The following TCF4 variants were observed in gnomAD, a reference collection of about 807,000 sequenced individuals.
TCF4 encodes the protein transcription factor 4, also known as SL3-3 enhancer factor 2.
A neutral mutation model predicts 82.1 loss-of-function variants in TCF4; 3 were observed. The ratio of observed to expected loss-of-function variants is 0.04; its 90% CI spans 0.02 to 0.09. The LOEUF (loss-of-function observed/expected upper bound fraction) is 0.09, where lower values mean the gene tolerates loss of function less well. TCF4 is among the 10% of genes least tolerant of loss of function. The probability of loss-of-function intolerance (pLI) is 1.00; values close to 1 mark genes in which losing one functional copy is unlikely to be tolerated. For synonymous variants in TCF4, 276 were observed against 309.6 expected, an observed-to-expected ratio of 0.89 and a Z score of 1.14; for missense variants, 518 against 852.7, an observed-to-expected ratio of 0.61 and a Z score of 4.89.
intron 2 of TCF4, among the ~76,000 whole-genome samples, chr18:55,601,647 G>A (rs1005630201): frequency 3.3e-5 from 5 of 152,142 alleles, no homozygotes; most frequent in South Asian, 2.1e-4. Flanking sequence ...AGCTGGGTGC[G>A]GTGGTGGGCA....
upstream of TCF4, chr18:55,589,628 AT>A (rs977062462): frequency 2.0e-5 from 21 of 1,043,204 alleles, no homozygotes; most frequent in African/African-American, 3.3e-5. Flanking sequence ...CTTGTTGGTG[AT>A]TTTTTTTCTT....
intron 6 of TCF4, among the ~76,000 whole-genome samples, chr18:55,391,169 A>T (rs554209403): frequency 4.0e-4 from 61 of 152,348 alleles, no homozygotes; most frequent in Middle Eastern, 3.4e-3. Flanking sequence ...TACACATGAC[A>T]GTTCTGAGCT....
At position 55,547,692 on chromosome 18, in the gene TCF4, C is replaced by CA. The variant is rs572274606; in HGVS notation, c.145+37587_145+37588insT. 2.4e-4 allele frequency among the ~76,000 whole-genome samples: 36 copies of CA among 152,116 alleles called. 1 individual carries two copies. The South Asian group carries it at 4.4e-3, about 18-fold the overall frequency. ...CATCTTTTTGATGAATTGTTTGAAA[C>CA]GTTGTAAGAAAACTTTTGCCCTGGG... On this transcript the variant is annotated intron_variant, in intron 3 of 19. Transcript: ENST00000354452.
intron 8 of TCF4, among the ~76,000 whole-genome samples, chr18:55,319,125 G>A (rs2074874616): frequency 6.6e-6 from 1 of 152,102 alleles, no homozygotes; most frequent in Non-Finnish European, 1.5e-5. Context: ...AACAATTCAG[G>A]TTCAAACACA....
Position 55,223,876 on chromosome 18 carries a change from G to A in TCF4, c.*4159C>T. ...ATACAGTTTCATCTTGGTAACACATGGTAAAATAACATCTTTTAAATAGTA... is the reference window on the plus strand; with the variant it reads ...ATACAGTTTCATCTTGGTAACACATAGTAAAATAACATCTTTTAAATAGTA... On this transcript the variant is annotated 3_prime_UTR_variant, in exon 20 of 20. Transcript: ENST00000354452. The A allele has an allele frequency of 6.6e-6, 1 of 151,602 alleles. No homozygotes were observed. The highest frequency in any genetic ancestry group is 1.5e-5 in the Non-Finnish European group (1 of 67,866). The allele number at this position is 151,602 out of a possible 1,614,324, so 9.4% of individuals were successfully genotyped here. A position where few individuals can be genotyped will look rare whatever the true frequency, so the allele number is the denominator to read the frequency against.
chr18:55,306,421 G>A (rs1000260808), intron 8 of TCF4, among the ~76,000 whole-genome samples: 3 of 152,202 alleles, frequency 2.0e-5, no homozygotes, highest in Admixed American at 6.5e-5. Flanking sequence ...GCAAGCCCAT[G>A]CCAGGGAGTT....
chr18:55,506,661 G>A (rs956864593), intron 3 of TCF4, among the ~76,000 whole-genome samples: 18 of 152,178 alleles, frequency 1.2e-4, no homozygotes, highest in Middle Eastern at 6.8e-3. Context: ...CTAAGAGAGG[G>A]ATAGGTTTTA....
At chr18:55,568,994 A>G (rs1568421611) in intron 3 of TCF4, among the ~76,000 whole-genome samples, 1 of 152,210 alleles carries the variant, frequency 6.6e-6, no homozygotes, top group Non-Finnish European at 1.5e-5. Context: ...TAAAGAAGTC[A>G]TCATTTAATT....
rs1555851870 is a variant in TCF4, at chr18:55,303,240, C to CACACACACACACACCCCT, written c.550-23585_550-23584insAGGGGTGTGTGTGTGTGT. Among the ~76,000 whole-genome samples the CACACACACACACACCCCT allele has an allele frequency of 2.7e-3, 406 of 150,240 alleles. 2 individuals carry two copies. Among genetic ancestry groups the CACACACACACACACCCCT allele is most frequent in the African/African-American group, 8.4e-3 (341 of 40,604 alleles). On this transcript the variant is annotated intron_variant, in intron 8 of 19. Transcript: ENST00000354452. ...CTCCCAGTACGTACACACACACACA[C>CACACACACACACACCCCT]ACACACACACACACACACACACACA... is the stretch of plus-strand genomic sequence containing the variant.
intron 6 of TCF4, among the ~76,000 whole-genome samples, chr18:55,399,876 TCTCTCACACACACACACA>T (rs1440541988): frequency 6.7e-5 from 8 of 118,588 alleles, no homozygotes; most frequent in East Asian, 2.8e-4. Flanking sequence ...TCTCTCTCTC[TCTCTCACACACACACACA>T]CACACACACA....
At chr18:55,482,729 T>G (rs922975858) in intron 3 of TCF4, 1 of 152,196 alleles carries the variant, frequency 6.6e-6, no homozygotes, top group African/African-American at 2.4e-5. Flanking sequence ...CCAGTTACCT[T>G]GATTGCCTTT....
intron 6 of TCF4, among the ~76,000 whole-genome samples, chr18:55,371,112 A>G (rs1273623392): frequency 6.6e-6 from 1 of 152,164 alleles, no homozygotes; most frequent in Non-Finnish European, 1.5e-5. Flanking sequence ...GTGACTAGCT[A>G]TTTTGGTATT....
intron 3 of TCF4, among the ~76,000 whole-genome samples, chr18:55,559,041 T>TAAA (rs33984019): frequency 2.0e-4 from 22 of 111,274 alleles, no homozygotes; most frequent in African/African-American, 7.0e-4. Flanking sequence ...ATCTCCCCCC[T>TAAA]AAAAAAAAAA....
intron 2 of TCF4, among the ~76,000 whole-genome samples, chr18:55,616,754 G>A (rs2097712555): frequency 6.6e-6 from 1 of 151,966 alleles, no homozygotes; most frequent in Non-Finnish European, 1.5e-5. Flanking sequence ...CTCTTTTTGA[G>A]AAATGTCCAT....
At chr18:55,351,832 A>G in intron 6 of TCF4, 1 of 920,862 alleles carries the variant, frequency 1.1e-6, no homozygotes, top group South Asian at 5.0e-5. Context: ...CTCTGCATTG[A>G]ACACATTGTT....
intron 6 of TCF4, among the ~76,000 whole-genome samples, chr18:55,365,191 A>ATATATATATATATATATATGTG (rs1361444592): frequency 1.7e-4 from 17 of 97,932 alleles, no homozygotes; most frequent in African/African-American, 5.5e-4. Flanking sequence ...ATATATATAT[A>ATATATATATATATATATATGTG]TGTGTGTGTG....
At chr18:55,464,284 G>A in intron 3 of TCF4, 147 bp from the exon 4 acceptor site, 1 of 731,678 alleles carries the variant, frequency 1.4e-6, no homozygotes, top group Non-Finnish European at 2.4e-6. Flanking sequence ...AGTGGCTTCT[G>A]ACCCATCTAC....
chr18:55,328,408 T>C (rs2076947717), intron 8 of TCF4, among the ~76,000 whole-genome samples: 1 of 151,936 alleles, frequency 6.6e-6, no homozygotes, highest in Non-Finnish European at 1.5e-5. Context: ...CAAACCCTTA[T>C]CCTAACCCAG....
chr18:55,289,580 C>T (rs184197724), intron 8 of TCF4, among the ~76,000 whole-genome samples: 1 of 152,228 alleles, frequency 6.6e-6, no homozygotes, highest in Admixed American at 6.5e-5. Flanking sequence ...CTTTAGCAAC[C>T]GACTGCTTTT....
Sources: gnomAD v4.1 joint callset for allele counts (sites outside exome capture counted in the v4.1 genomes callset) on GRCh38, gnomAD v4.1.1 for gene constraint, MANE v1.5 for transcripts, NCBI Gene and HGNC (gene_info 2026-07-23, HGNC 2026-07-21) for gene names.